Variants in MTHFD2L observed in about 807,000 individuals in gnomAD.
The protein encoded by MTHFD2L is bifunctional methylenetetrahydrofolate dehydrogenase/cyclohydrolase 2, mitochondrial.
A neutral mutation model predicts 34.9 loss-of-function variants in MTHFD2L; 29 were observed. The observed-to-expected ratio is 0.83, with a 90% CI of 0.62 to 1.13. MTHFD2L has a LOEUF of 1.13. Ranked by LOEUF, MTHFD2L falls within the 50% of genes most tolerant of loss-of-function variation. The pLI, the probability that MTHFD2L is intolerant of heterozygous loss-of-function variation, is 0.00. For missense variants in MTHFD2L, 481 were observed against 446.5 expected (o/e 1.08, Z -0.70); for synonymous variants, 167 against 155.7 (o/e 1.07, Z -0.54).
rs77495523 is a variant in MTHFD2L at position 74,145,411 on chromosome 4, T to A, written c.-296-14644T>A. ...CATTTTATATAAAAAGACTTTAGTA[T>A]CCTTGAGATTTGGTATCTGTCGGGG... is the stretch of plus-strand genomic sequence containing the variant. On this transcript the variant is annotated intron_variant, in intron 1 of 7. Coordinates refer to the MTHFD2L transcript ENST00000433372. 9.1e-3 allele frequency among the ~76,000 whole-genome samples: 1,384 copies of A among 152,314 alleles called. 7 individuals carry two copies. The highest frequency in any genetic ancestry group is 0.014 in the Non-Finnish European group (973 of 68,026).
rs1283385742 is a variant in MTHFD2L at position 74,158,295 on chromosome 4, G to A, written c.143+14G>A. ...CAGCGGTGTGAGGTACGAGGGCTGC[G>A]GGCGCCGGGTGCGGAGCCGCTGGCG... On this transcript the variant is annotated intron_variant, in intron 1 of 7. Transcript: ENST00000325278. The A allele has an allele frequency of 3.1e-6, 4 of 1,290,612 alleles. No homozygotes were observed. Among genetic ancestry groups the A allele is most frequent in the Non-Finnish European group, 2.9e-6 (3 of 1,017,922 alleles). The allele number at this position is 1,290,612 out of a possible 1,614,324, so 79.9% of individuals were successfully genotyped here. A position where few individuals can be genotyped will look rare whatever the true frequency, so the allele number is the denominator to read the frequency against.
chr4:74,137,496 G>A (rs534823139), intron 1 of MTHFD2L, among the ~76,000 whole-genome samples: 1 of 152,202 alleles, frequency 6.6e-6, no homozygotes, highest in East Asian at 1.9e-4. Context: ...GGAGAAAGGG[G>A]AATTCTCATA....
chr4:74,198,162 C>G (rs1324833932), intron 3 of MTHFD2L, among the ~76,000 whole-genome samples: 1 of 152,188 alleles, frequency 6.6e-6, no homozygotes, highest in African/African-American at 2.4e-5. Flanking sequence ...GAGGACAGAT[C>G]TGTAACCACC....
chr4:74,134,258 T>C (rs1244876070), intron 1 of MTHFD2L, among the ~76,000 whole-genome samples: 1 of 152,152 alleles, frequency 6.6e-6, no homozygotes, highest in African/African-American at 2.4e-5. Flanking sequence ...CCTTGTAACT[T>C]GACCAAAGGA....
intron 1 of MTHFD2L, chr4:74,161,144 ATAAT>A (rs1725368989): frequency 6.6e-6 from 1 of 152,206 alleles, no homozygotes; most frequent in Non-Finnish European, 1.5e-5. Context: ...CATCGGCTGT[ATAAT>A]TTTTGCAGCT....
chr4:74,165,082 AAG>A (rs1391532986), intron 1 of MTHFD2L: 11 of 555,720 alleles, frequency 2.0e-5, no homozygotes, highest in African/African-American at 1.8e-4. Flanking sequence ...TTAGAGTAAA[AAG>A]GGGCACGAAT....
intron 1 of MTHFD2L, chr4:74,160,146 T>A (rs1725104778): frequency 8.5e-7 from 1 of 1,182,104 alleles, no homozygotes. Flanking sequence ...TTTATATATA[T>A]AATGACACAT....
At chr4:74,215,533 C>T (rs1468713176) in intron 5 of MTHFD2L, among the ~76,000 whole-genome samples, 1 of 151,634 alleles carries the variant, frequency 6.6e-6, no homozygotes, top group Non-Finnish European at 1.5e-5. Flanking sequence ...TACCCACTGT[C>T]TAACCAGTCC....
intron 7 of MTHFD2L, 26 bp from the exon 8 acceptor site, chr4:74,301,671 A>G: frequency 7.5e-7 from 1 of 1,335,804 alleles, no homozygotes; most frequent in Non-Finnish European, 1.0e-6. Context: ...AATAAAGAAT[A>G]TCTGTTTGTT....
chr4:74,276,173 T>A (rs938666321), intron 6 of MTHFD2L, among the ~76,000 whole-genome samples: 10 of 152,100 alleles, frequency 6.6e-5, no homozygotes, highest in African/African-American at 1.9e-4. Flanking sequence ...TTCTACAGAA[T>A]CAGCTGTTTG....
intron 1 of MTHFD2L, among the ~76,000 whole-genome samples, chr4:74,138,905 T>A (rs1446458776): frequency 6.6e-6 from 1 of 152,226 alleles, no homozygotes; most frequent in Non-Finnish European, 1.5e-5. Flanking sequence ...ACTATTTCTT[T>A]ACCTCCTACT....
At chr4:74,125,099 A>G (rs192946127), upstream of MTHFD2L, among the ~76,000 whole-genome samples, 2 of 152,270 alleles carry the variant, frequency 1.3e-5, no homozygotes, top group South Asian at 2.1e-4. Flanking sequence ...ATAATCTGAC[A>G]TTTTGCAGAG....
chr4:74,149,081 G>A (rs1723776432), intron 1 of MTHFD2L, among the ~76,000 whole-genome samples: 1 of 151,774 alleles, frequency 6.6e-6, no homozygotes, highest in Admixed American at 6.6e-5. Context: ...GATAGTTCCA[G>A]GTCCTGCAAG....
intron 6 of MTHFD2L, among the ~76,000 whole-genome samples, chr4:74,234,836 A>T (rs1183678895): frequency 7.0e-6 from 1 of 143,152 alleles, no homozygotes; most frequent in African/African-American, 2.6e-5. Flanking sequence ...TGTGTAAGAG[A>T]CACAGATAGA....
At chr4:74,240,006 T>C (rs1488361736) in intron 6 of MTHFD2L, among the ~76,000 whole-genome samples, 1 of 151,904 alleles carries the variant, frequency 6.6e-6, no homozygotes, top group Admixed American at 6.6e-5. Context: ...TCAAAAGGAG[T>C]GAGAATCCCT....
At chr4:74,158,389 G>T in intron 1 of MTHFD2L, 108 bp downstream of exon 1, 1 of 872,974 alleles carries the variant, frequency 1.1e-6, no homozygotes. Flanking sequence ...GCGGCCGCGC[G>T]GCGGCGGGCT....
intron 1 of MTHFD2L, among the ~76,000 whole-genome samples, chr4:74,163,985 C>T (rs907051249): frequency 1.3e-5 from 2 of 152,316 alleles, no homozygotes; most frequent in Non-Finnish European, 2.9e-5. Context: ...ATGCCATTCT[C>T]CTGCCTCAGT....
intron 5 of MTHFD2L, among the ~76,000 whole-genome samples, chr4:74,201,838 T>G (rs1310918410): frequency 2.0e-5 from 3 of 152,198 alleles, no homozygotes; most frequent in Admixed American, 2.0e-4. Context: ...TGAGTAGTAG[T>G]GACACTCCAA....
chr4:74,221,878 A>G (rs1290397223), intron 5 of MTHFD2L, among the ~76,000 whole-genome samples: 1 of 151,846 alleles, frequency 6.6e-6, no homozygotes, highest in African/African-American at 2.4e-5. Flanking sequence ...ACAACATTAT[A>G]TAGTACTCTT....
Sources: gnomAD v4.1 joint callset for allele counts (sites outside exome capture counted in the v4.1 genomes callset) on GRCh38, gnomAD v4.1.1 for gene constraint, MANE v1.5 for transcripts, NCBI Gene and HGNC (gene_info 2026-07-23, HGNC 2026-07-21) for gene names.